The following NECTIN1 variants were observed in gnomAD, a reference collection of about 807,000 sequenced individuals.
NECTIN1 encodes nectin cell adhesion molecule 1.
NECTIN1 carries 23 observed loss-of-function variants against 48.0 expected under a neutral mutation model. The observed-to-expected ratio is 0.48, with a 90% CI of 0.34 to 0.68. The LOEUF (loss-of-function observed/expected upper bound fraction) is 0.68, where lower values mean the gene tolerates loss of function less well. NECTIN1 is among the 30% of genes least tolerant of loss of function. The probability of loss-of-function intolerance (pLI) is 0.01; values close to 1 mark genes in which losing one functional copy is unlikely to be tolerated. For missense variants in NECTIN1, 591 were observed against 709.9 expected, an observed-to-expected ratio of 0.83 and a Z score of 1.90; for synonymous variants, 270 against 288.9, an observed-to-expected ratio of 0.93 and a Z score of 0.66.
chr11:119,638,271 T>C, intron 7 of NECTIN1: 1 of 1,613,504 alleles, frequency 6.2e-7, no homozygotes. Flanking sequence ...CGGTGAGTGC[T>C]GCACAGACCT....
At chr11:119,648,594 C>G (rs185413041) in intron 5 of NECTIN1, among the ~76,000 whole-genome samples, 3 of 151,386 alleles carry the variant, frequency 2.0e-5, no homozygotes, top group Non-Finnish European at 4.4e-5. Flanking sequence ...TCTGTAGAAA[C>G]GAAACATCAC....
intron 1 of NECTIN1, among the ~76,000 whole-genome samples, chr11:119,707,892 G>T (rs1256972458): frequency 6.6e-6 from 1 of 152,232 alleles, no homozygotes; most frequent in African/African-American, 2.4e-5. Flanking sequence ...AATGTGTCAA[G>T]CATGGTGCTG....
At chr11:119,651,119 T>C (rs1251945396) in intron 5 of NECTIN1, among the ~76,000 whole-genome samples, 1 of 152,152 alleles carries the variant, frequency 6.6e-6, no homozygotes, top group Non-Finnish European at 1.5e-5. Context: ...AGGACACCCA[T>C]GAGCCCAGGC....
intron 5 of NECTIN1, 137 bp downstream of exon 5, chr11:119,675,022 G>T (rs1864923175): frequency 8.9e-7 from 1 of 1,121,880 alleles, no homozygotes; most frequent in Non-Finnish European, 1.3e-6. Flanking sequence ...CAAAACCAAT[G>T]GCCAGAGCTC....
chr11:119,684,733 G>A lies in NECTIN1; in HGVS notation c.80-5968C>T, dbSNP rs555486953. ...ACCTTCTGAAGCCAAGGCCAGCTCC[G>A]CCTGGGAGAGAGGCCGGTGTGGAGG... On this transcript the variant is annotated intron_variant, in intron 1 of 5. Transcript: ENST00000264025. This position sits in a 1 kb window ranked among gnomAD's most constrained non-coding sequence, Gnocchi z 5.2. 5.3e-5 allele frequency among the ~76,000 whole-genome samples: 8 copies of A among 152,302 alleles called. No homozygotes were observed. The highest frequency in any genetic ancestry group is 1.2e-4 in the African/African-American group (5 of 41,570).
downstream of NECTIN1, among the ~76,000 whole-genome samples, chr11:119,660,494 C>T (rs571818384): frequency 1.8e-3 from 280 of 152,254 alleles, no homozygotes; most frequent in Non-Finnish European, 3.2e-3. Context: ...ATAAAGCTCT[C>T]AGCTCTTCTC....
At chr11:119,670,030 G>A (rs1319258872) in intron 5 of NECTIN1, among the ~76,000 whole-genome samples, 1 of 150,978 alleles carries the variant, frequency 6.6e-6, no homozygotes, top group African/African-American at 2.5e-5. Flanking sequence ...CTCAATCTTG[G>A]CTCATGCAAC....
At chr11:119,657,739 A>AAT (rs1864597333), downstream of NECTIN1, among the ~76,000 whole-genome samples, 9 of 128,298 alleles carry the variant, frequency 7.0e-5, no homozygotes, top group Non-Finnish European at 1.1e-4. Context: ...TGTCTCTATA[A>AAT]AATAATAATA....
At chr11:119,668,857 A>G (rs764507130) in intron 5 of NECTIN1, among the ~76,000 whole-genome samples, 5 of 152,240 alleles carry the variant, frequency 3.3e-5, no homozygotes, top group Admixed American at 2.0e-4. Flanking sequence ...GAATGAGGAC[A>G]GGGTTTGAGG....
rs553342184 is a variant in NECTIN1 at position 119,677,053 on chromosome 11, G to T, written c.851+49C>A. 1.1e-4 allele frequency: 160 copies of T among 1,521,072 alleles called. 1 individual carries two copies. In the South Asian group the frequency reaches 1.6e-3, roughly 16 times the overall value. 94.2% of individuals were successfully genotyped at this position (1,521,072 alleles called of 1,614,324 possible). On this transcript the variant is annotated intron_variant, in intron 4 of 5. Coordinates refer to ENST00000264025, the MANE Select transcript of NECTIN1 (RefSeq NM_002855.5). The surrounding 1 kb of genome is among the most constrained non-coding windows in gnomAD (Gnocchi z 5.4). Reference sequence around the variant, plus strand: ...GGATGGTTGCCCCTCATCACCCGTGGTCCAGTCAGCTGTCTTCCAAGGTGA... The same window carrying T: ...GGATGGTTGCCCCTCATCACCCGTGTTCCAGTCAGCTGTCTTCCAAGGTGA...
rs528123691 is a variant in NECTIN1, at chr11:119,681,970, AG to A, written c.80-3206del. The stretch of plus-strand genomic sequence containing the variant: ...TGAGCATAAGGGAGCTCTTGGAGCA[AG>A]GGGCTTAGGGTCATTGAGGGTGGGG... On this transcript the variant is annotated intron_variant, in intron 1 of 5. Coordinates refer to ENST00000264025, the MANE Select transcript of NECTIN1 (RefSeq NM_002855.5). 2.2e-4 allele frequency among the ~76,000 whole-genome samples: 33 copies of A among 152,226 alleles called. 1 individual carries two copies. The South Asian group carries it at 4.4e-3, about 20-fold the overall frequency.
At chr11:119,698,365 C>T (rs551965898) in intron 1 of NECTIN1, among the ~76,000 whole-genome samples, 91 of 152,362 alleles carry the variant, frequency 6.0e-4, no homozygotes, top group Admixed American at 2.4e-3. Context: ...CCTTCTTTCA[C>T]GGTCTTCAGC....
intron 5 of NECTIN1, among the ~76,000 whole-genome samples, chr11:119,646,047 C>T (rs1445046138): frequency 2.0e-5 from 3 of 152,214 alleles, no homozygotes; most frequent in African/African-American, 7.2e-5. Context: ...TGCCTCCTGG[C>T]CTTTTCCTTG....
intron 1 of NECTIN1, among the ~76,000 whole-genome samples, chr11:119,697,675 C>T (rs1406398574): frequency 1.3e-5 from 2 of 152,194 alleles, no homozygotes; most frequent in Admixed American, 6.5e-5. Context: ...GAGAAATTTG[C>T]CAAGTTGTGT....
In NECTIN1 at chr11:119,728,549, G is replaced by A. The variant is rs1166277608; in HGVS notation, c.5C>T (p.Ala2Val). 6 of 1,577,202 alleles carry A rather than the reference G, an allele frequency of 3.8e-6. No individual in the cohort carries two copies. The East Asian group carries it at 1.4e-4, about 37-fold the overall frequency. Residue 2 changes from alanine to valine, a missense_variant, in exon 1 of 6, where the codon GCT becomes GTT. Coordinates refer to ENST00000264025, the MANE Select transcript of NECTIN1 (RefSeq NM_002855.5). M[A>V]RMGLAGAAGR... ...AGCGGCGCCCGCAAGCCCCATCCGAGCCATCGGGGGCCGGGGGTCCGGCGA... is the reference window on the plus strand; with the variant it reads ...AGCGGCGCCCGCAAGCCCCATCCGAACCATCGGGGGCCGGGGGTCCGGCGA...
At chr11:119,638,126 G>T in exon 8 of NECTIN1, 2 of 1,613,648 alleles carry the variant, frequency 1.2e-6, no homozygotes, top group Non-Finnish European at 1.7e-6. Context: ...AGGTTCGGTT[G>T]TCCTTACCGA....
At chr11:119,669,612 T>C (rs1204963707) in intron 5 of NECTIN1, among the ~76,000 whole-genome samples, 2 of 152,180 alleles carry the variant, frequency 1.3e-5, no homozygotes, top group Non-Finnish European at 2.9e-5. Context: ...GTAACATATC[T>C]GCTCAGAGCC....
At chr11:119,668,583 C>T (rs1286962601) in intron 5 of NECTIN1, among the ~76,000 whole-genome samples, 5 of 152,198 alleles carry the variant, frequency 3.3e-5, no homozygotes, top group African/African-American at 4.8e-5. Flanking sequence ...CCCTCCCCAC[C>T]GATTGCACTT....
chr11:119,676,803 G>A, intron 4 of NECTIN1: 1 of 445,444 alleles, frequency 2.2e-6, no homozygotes, highest in South Asian at 2.1e-5. Flanking sequence ...GACTCAGACT[G>A]AATCACCAAA....
Sources: allele counts gnomAD v4.1 joint callset (sites outside exome capture counted in the v4.1 genomes callset), GRCh38; gene constraint gnomAD v4.1.1; non-coding constraint Gnocchi (gnomAD v3.1); transcripts MANE v1.5; gene names NCBI Gene and HGNC (gene_info 2026-07-23, HGNC 2026-07-21).